Variants in GPHN observed in about 807,000 individuals in gnomAD.
The protein encoded by GPHN is gephyrin.
In GPHN, 17 loss-of-function variants were observed where a neutral mutation model predicts 95.5. That is an observed-to-expected ratio of 0.18 (90% confidence interval 0.12 to 0.27). GPHN has a LOEUF of 0.27. Among genes scored for constraint, GPHN ranks in the 10% least tolerant of loss-of-function variants. GPHN has a pLI of 1.00. For synonymous variants in GPHN, 320 were observed against 322.5 expected, an observed-to-expected ratio of 0.99 and a Z score of 0.08; for missense variants, 660 against 978.1, an observed-to-expected ratio of 0.67 and a Z score of 4.34.
chr14:67,036,022 A>T (rs1454200125), intron 10 of GPHN, among the ~76,000 whole-genome samples: 1 of 151,934 alleles, frequency 6.6e-6, no homozygotes, highest in Non-Finnish European at 1.5e-5. Context: ...ATTGGATTAT[A>T]CACTTCAGCC....
At chr14:66,927,942 G>C (rs1316819762) in intron 8 of GPHN, among the ~76,000 whole-genome samples, 1 of 152,144 alleles carries the variant, frequency 6.6e-6, no homozygotes, top group Non-Finnish European at 1.5e-5. Context: ...TGGTGTACTA[G>C]CATTTTGTTG....
At chr14:67,395,324 CCCCAAGGGGCAGGGTCCCCTGCCCA>C in the GPHN span, 1 of 1,326,318 alleles carries the variant, frequency 7.5e-7, no homozygotes, top group Non-Finnish European at 1.1e-6. Flanking sequence ...CACAGAGCCC[CCCCAAGGGGCAGGGTCCCCTGCCCA>C]CCCAACACAG....
At chr14:67,059,032 A>T (rs2075720885) in intron 11 of GPHN, 1 of 560,130 alleles carries the variant, frequency 1.8e-6, no homozygotes, top group East Asian at 2.9e-5. Context: ...AAAAAAAAGG[A>T]AGAAAATCAG....
chr14:66,663,800 A>T (rs532857375), intron 1 of GPHN, among the ~76,000 whole-genome samples: 1 of 150,822 alleles, frequency 6.6e-6, no homozygotes, highest in East Asian at 2.0e-4. Context: ...TACAAAGCAA[A>T]TGGAAAACAG....
the GPHN span, among the ~76,000 whole-genome samples, chr14:67,515,735 C>A: frequency 6.6e-6 from 1 of 152,230 alleles, no homozygotes; most frequent in Middle Eastern, 3.2e-3. Context: ...TTGTGGGGAC[C>A]AGGCGTGCAA....
the GPHN span, among the ~76,000 whole-genome samples, chr14:67,351,693 T>C: frequency 1.3e-5 from 2 of 151,652 alleles, no homozygotes; most frequent in Admixed American, 6.6e-5. Flanking sequence ...CTTCTTCTTC[T>C]TCTTTTTTGT....
the GPHN span, among the ~76,000 whole-genome samples, chr14:67,439,586 T>TTTCTTTC: frequency 1.4e-3 from 197 of 139,604 alleles, 2 homozygotes; most frequent in South Asian, 4.9e-3. Flanking sequence ...TCTTTCTTTC[T>TTTCTTTC]TTCTTTCTTC....
At chr14:67,335,118 G>C in the GPHN span, 4 of 149,976 alleles carry the variant, frequency 2.7e-5, no homozygotes, top group African/African-American at 9.7e-5. Context: ...TAGGAAGTCT[G>C]AGATGATAAA....
At chr14:67,016,806 T>C (rs1204664631) in intron 9 of GPHN, among the ~76,000 whole-genome samples, 2 of 152,156 alleles carry the variant, frequency 1.3e-5, no homozygotes, top group Admixed American at 1.3e-4. Flanking sequence ...CACTGATTCC[T>C]AGCATGATTT....
chr14:67,364,828 A>C, the GPHN span: 1 of 1,614,018 alleles, frequency 6.2e-7, no homozygotes, highest in Non-Finnish European at 8.5e-7. Context: ...AGATGTAGTG[A>C]TGGTGAATGT....
intron 2 of GPHN, among the ~76,000 whole-genome samples, chr14:66,764,055 CAT>C (rs747357948): frequency 6.6e-6 from 1 of 152,122 alleles, no homozygotes; most frequent in African/African-American, 2.4e-5. Context: ...ATTGTGATGA[CAT>C]GTATAATTAT....
At chr14:67,707,951 C>T in the GPHN span, among the ~76,000 whole-genome samples, 3 of 152,136 alleles carry the variant, frequency 2.0e-5, no homozygotes, top group Non-Finnish European at 4.4e-5. Context: ...AAGTTTGATT[C>T]CAAGGGAAAG....
At chr14:67,105,426 T>C (rs2077981646) in intron 13 of GPHN, among the ~76,000 whole-genome samples, 2 of 152,116 alleles carry the variant, frequency 1.3e-5, no homozygotes, top group Non-Finnish European at 1.5e-5. Flanking sequence ...ATGCTGAGAG[T>C]AGGGTGTCAA....
chr14:66,509,932 A>G (rs1199454345), intron 1 of GPHN, among the ~76,000 whole-genome samples: 2 of 152,160 alleles, frequency 1.3e-5, no homozygotes, highest in African/African-American at 4.8e-5. Context: ...TGATATCCAA[A>G]GCCTCCTTTT....
the GPHN span, among the ~76,000 whole-genome samples, chr14:67,708,276 G>T: frequency 6.6e-6 from 1 of 152,162 alleles, no homozygotes; most frequent in African/African-American, 2.4e-5. Flanking sequence ...TATTACTTTA[G>T]TCTTCTATCA....
chr14:67,360,730 C>G, the GPHN span: 1 of 152,482 alleles, frequency 6.6e-6, no homozygotes, highest in Non-Finnish European at 1.5e-5. Flanking sequence ...TACAATATGC[C>G]GAAAGTGAGA....
intron 4 of GPHN, among the ~76,000 whole-genome samples, chr14:66,838,018 T>C (rs746108063): frequency 6.6e-6 from 1 of 152,128 alleles, no homozygotes; most frequent in African/African-American, 2.4e-5. Context: ...TGGAGTAGCA[T>C]AACATACTGC....
chr14:66,977,308 G>A (rs970103346), intron 9 of GPHN, among the ~76,000 whole-genome samples: 2 of 152,138 alleles, frequency 1.3e-5, no homozygotes, highest in African/African-American at 2.4e-5. Context: ...GTGGGCGCCT[G>A]TAGTCCCAGC....
At chr14:67,444,378 C>T in the GPHN span, among the ~76,000 whole-genome samples, 1 of 152,174 alleles carries the variant, frequency 6.6e-6, no homozygotes, top group Non-Finnish European at 1.5e-5. Context: ...AGAGTGGCCC[C>T]TTTCTGGTAA....
Sources: gnomAD v4.1 joint callset for allele counts (sites outside exome capture counted in the v4.1 genomes callset) on GRCh38, gnomAD v4.1.1 for gene constraint, MANE v1.5 for transcripts, NCBI Gene and HGNC (gene_info 2026-07-23, HGNC 2026-07-21) for gene names.